Variants in ARID3C observed in about 807,000 individuals in gnomAD.
ARID3C encodes AT-rich interaction domain 3C.
Under a neutral mutation model 37.9 loss-of-function variants are expected in ARID3C, and 42 were observed. That is an observed-to-expected ratio of 1.11 (90% CI 0.87 to 1.43). The LOEUF (loss-of-function observed/expected upper bound fraction) is 1.43, where lower values mean the gene tolerates loss of function less well. Among genes scored for constraint, ARID3C ranks in the 40% most tolerant of loss-of-function variants. The probability of loss-of-function intolerance (pLI) is 0.00; values close to 1 mark genes in which losing one functional copy is unlikely to be tolerated. For synonymous variants in ARID3C, 213 were observed against 228.0 expected, an observed-to-expected ratio of 0.93 and a Z score of 0.59; for missense variants, 581 against 548.8, an observed-to-expected ratio of 1.06 and a Z score of -0.59.
intron 1 of ARID3C, 74 bp from the exon 3 acceptor site, chr9:34,625,888 C>T (rs970903456): frequency 2.0e-6 from 3 of 1,535,788 alleles, no homozygotes; most frequent in Admixed American, 3.4e-5. Flanking sequence ...TCAGGTTGTA[C>T]CCTGAACAAG....
chr9:34,623,482 TG>T lies in ARID3C; in HGVS notation c.807del (p.Thr270ProfsTer12), dbSNP rs1820605801. On this transcript the variant is annotated frameshift_variant, in exon 4 of 7. Transcript: ENST00000378909. LOFTEE classifies it high-confidence loss of function. Reference sequence around the variant, plus strand: ...CATGCATGCGCTGGCAGGCCGGAGGTGGAACCCTGGGCTGGGCCAGGGCTGG... The same window carrying T: ...CATGCATGCGCTGGCAGGCCGGAGGTGAACCCTGGGCTGGGCCAGGGCTGG... 1 of 1,537,858 alleles carries T rather than the reference TG, an allele frequency of 6.5e-7. No homozygotes were observed.
Position 34,622,033 on chromosome 9 carries a change from C to T in ARID3C, c.1125G>A (p.Gly375=), listed in dbSNP as rs577789431. 13 of 1,614,126 alleles carry T rather than the reference C, an allele frequency of 8.1e-6. No homozygotes were observed. In the Admixed American group the frequency reaches 8.3e-5, roughly 10 times the overall value. Reference sequence around the variant, plus strand: ...CAGTACCCATACCAGTGTAGACCACCCCGTTGATCTCTAGGGCCATGTTGA... The same window carrying T: ...CAGTACCCATACCAGTGTAGACCACTCCGTTGATCTCTAGGGCCATGTTGA... The change falls in exon 6 of 7, where the codon GGG becomes GGA. Residue 375 remains glycine, a synonymous_variant. Coordinates refer to ENST00000378909, the Ensembl canonical transcript of ARID3C.
intron 5 of ARID3C, 40 bp from the exon 7 acceptor site, chr9:34,622,149 C>T: frequency 1.2e-6 from 2 of 1,610,532 alleles, no homozygotes; most frequent in Non-Finnish European, 1.7e-6. Flanking sequence ...TTTGGAGAAT[C>T]AGACTTCTGA....
At chr9:34,624,016 C>T (rs756119908) in exon 3 of ARID3C, 1 of 1,598,432 alleles carries the variant, frequency 6.3e-7, no homozygotes. Context: ...GCACCTGCTT[C>T]GCCATGATGG....
intron 5 of ARID3C, 26 bp downstream of exon 6, chr9:34,622,321 C>T (rs1245696327): frequency 1.3e-6 from 2 of 1,587,086 alleles, no homozygotes; most frequent in African/African-American, 1.3e-5. Flanking sequence ...AGTCCCGAAG[C>T]CCCCTCACAA....
Position 34,622,532 on chromosome 9 carries a change from A to G in ARID3C, c.866-3T>C. On this transcript the variant is annotated splice_region_variant and splice_polypyrimidine_tract_variant and intron_variant, in intron 4 of 6. Transcript: ENST00000378909. ...AGGGTTTGGAATTCCACTCTCCTCTAGAAGAACAGGTTATTCAGCTCCCCT... is the reference window on the plus strand; with the variant it reads ...AGGGTTTGGAATTCCACTCTCCTCTGGAAGAACAGGTTATTCAGCTCCCCT... The G allele has an allele frequency of 6.3e-7, 1 of 1,595,370 alleles. No individual in the cohort carries two copies. The highest frequency in any genetic ancestry group is 8.5e-7 in the Non-Finnish European group (1 of 1,170,944).
At chr9:34,622,198 GC>G in intron 5 of ARID3C, 89 bp from the exon 7 acceptor site, 1 of 1,575,850 alleles carries the variant, frequency 6.3e-7, no homozygotes, top group South Asian at 1.1e-5. Context: ...CCCGTAGACA[GC>G]CCCCATTCCA....
upstream of ARID3C, among the ~76,000 whole-genome samples, chr9:34,629,260 G>A (rs1378343010): frequency 1.3e-5 from 2 of 152,194 alleles, no homozygotes; most frequent in African/African-American, 2.4e-5. Context: ...TACCGCCACC[G>A]GACTCCGGAC....
At position 34,622,342 on chromosome 9, in the gene ARID3C, C is replaced by T. The variant is rs1370560083; in HGVS notation, c.1048+5G>A. The stretch of plus-strand genomic sequence containing the variant: ...GAAGCCCCCTCACAACAAGCCCCTC[C>T]TCACCCCTCAGGGGAACCTTGCCAC... On this transcript the variant is annotated splice_donor_5th_base_variant and intron_variant, in intron 5 of 6. Transcript: ENST00000378909. 22 of 1,601,868 alleles carry T rather than the reference C, an allele frequency of 1.4e-5. No homozygotes were observed. Among genetic ancestry groups the T allele is most frequent in the Non-Finnish European group, 1.9e-5 (22 of 1,173,988 alleles).
At chr9:34,629,140 G>C (rs1213262171), upstream of ARID3C, among the ~76,000 whole-genome samples, 2 of 152,158 alleles carry the variant, frequency 1.3e-5, no homozygotes, top group Non-Finnish European at 2.9e-5. Flanking sequence ...GCCCCTGTGG[G>C]ATCTGCCGCT....
Position 34,624,177 on chromosome 9 carries a change from C to T in ARID3C, c.392-130G>A. On this transcript the variant is annotated intron_variant, in intron 2 of 6. Transcript: ENST00000378909. ...GGAGACTTGGGCGGAGCCCACAGAA[C>T]CCCAGGGTCTCTGTTTTAGCAAGAA... 4.1e-6 allele frequency: 5 copies of T among 1,215,872 alleles called. 1 individual carries two copies. The highest frequency in any genetic ancestry group is 5.6e-6 in the Non-Finnish European group (5 of 899,818). The allele number at this position is 1,215,872 out of a possible 1,614,324, so 75.3% of individuals were successfully genotyped here.
intron 2 of ARID3C, among the ~76,000 whole-genome samples, chr9:34,624,543 T>G (rs1156414537): frequency 6.6e-6 from 1 of 152,142 alleles, no homozygotes; most frequent in African/African-American, 2.4e-5. Context: ...AGAGCCGGCC[T>G]CCCCTAAGCA....
chr9:34,623,927 TC>T lies in ARID3C; in HGVS notation c.511del (p.Glu171LysfsTer24). ...GGGTAGGCTGAGGCCGCGCGTGACT[TC>T]CCGCCACACTTTGCGGTTGATGACT... On this transcript the variant is annotated frameshift_variant, in exon 3 of 7. Coordinates refer to ENST00000378909, the Ensembl canonical transcript of ARID3C. LOFTEE classifies it high-confidence loss of function. 1 of 1,598,190 alleles carries T rather than the reference TC, an allele frequency of 6.3e-7. No homozygotes were observed.
intron 2 of ARID3C, among the ~76,000 whole-genome samples, chr9:34,625,243 C>G (rs993730383): frequency 6.6e-6 from 1 of 152,156 alleles, no homozygotes; most frequent in African/African-American, 2.4e-5. Context: ...ACCCTTCTTG[C>G]GTTCTCCTCC....
upstream of ARID3C, among the ~76,000 whole-genome samples, chr9:34,629,517 C>G (rs556678258): frequency 6.6e-6 from 1 of 152,184 alleles, no homozygotes; most frequent in Non-Finnish European, 1.5e-5. Flanking sequence ...AGAATAGAAG[C>G]TTCTCCCTTT....
exon 1 of ARID3C, chr9:34,627,797 G>T (rs772586139): frequency 6.2e-7 from 1 of 1,614,042 alleles, no homozygotes; most frequent in Non-Finnish European, 8.5e-7. Context: ...GCTCTCCTCA[G>T]CTGCCTCCTC....
upstream of ARID3C, among the ~76,000 whole-genome samples, chr9:34,630,545 C>T (rs189944356): frequency 1.1e-3 from 175 of 152,274 alleles, no homozygotes; most frequent in East Asian, 2.9e-3. Flanking sequence ...AATCCAAACA[C>T]GACCTTTGTC....
chr9:34,623,381 T>G, intron 4 of ARID3C, 44 bp downstream of exon 5: 1 of 1,472,002 alleles, frequency 6.8e-7, no homozygotes, highest in Non-Finnish European at 9.0e-7. Flanking sequence ...AGCGCCCACC[T>G]AAACCTCAGA....
intron 6 of ARID3C, 39 bp from the exon 8 acceptor site, chr9:34,621,597 A>G: frequency 6.9e-7 from 1 of 1,439,212 alleles, no homozygotes; most frequent in African/African-American, 1.5e-5. Flanking sequence ...GGCAAAAACA[A>G]GCAGGAGGGG....
Sources: gnomAD v4.1 joint callset for allele counts (sites outside exome capture counted in the v4.1 genomes callset) on GRCh38, gnomAD v4.1.1 for gene constraint, MANE v1.5 for transcripts, NCBI Gene and HGNC (gene_info 2026-07-23, HGNC 2026-07-21) for gene names.